Variants in NRIP1 observed in about 807,000 individuals in gnomAD.
NRIP1 encodes nuclear receptor interacting protein 1, also known as nuclear receptor-interacting protein 1.
Under a neutral mutation model 75.0 loss-of-function variants are expected in NRIP1, and 28 were observed. The ratio of observed to expected loss-of-function variants is 0.37; its 90% CI spans 0.28 to 0.51. The LOEUF (loss-of-function observed/expected upper bound fraction) is 0.51. Among genes scored for constraint, NRIP1 ranks in the 20% least tolerant of loss-of-function variants. The probability of loss-of-function intolerance (pLI) is 0.92; values close to 1 mark genes in which losing one functional copy is unlikely to be tolerated. For synonymous variants in NRIP1, 526 were observed against 487.6 expected (o/e 1.08, Z -1.04); for missense variants, 1,435 against 1,343.7 (o/e 1.07, Z -1.06).
intron 3 of NRIP1, among the ~76,000 whole-genome samples, chr21:14,998,610 T>G (rs1322290984): frequency 2.6e-5 from 4 of 152,242 alleles, no homozygotes; most frequent in Non-Finnish European, 5.9e-5. Context: ...AAGCAAATTT[T>G]CTTCCATTTC....
intron 2 of NRIP1, among the ~76,000 whole-genome samples, chr21:15,017,049 A>G (rs2088251298): frequency 6.6e-6 from 1 of 152,156 alleles, no homozygotes; most frequent in African/African-American, 2.4e-5. Flanking sequence ...TGCTGCAACT[A>G]GTAATCTATA....
At chr21:15,039,658 A>G (rs1008459357) in intron 2 of NRIP1, among the ~76,000 whole-genome samples, 4 of 152,082 alleles carry the variant, frequency 2.6e-5, no homozygotes, top group African/African-American at 9.7e-5. Flanking sequence ...TATTTTATTA[A>G]ATATGGTGGA....
Position 15,028,170 on chromosome 21 carries a change from T to C in NRIP1, c.-457-13704A>G, listed in dbSNP as rs1033875792. ...TGGCATTTTATGTGATGCACACGGA[T>C]TGAAAATCTTAGCTACGTGCTGCAT... On this transcript the variant is annotated intron_variant, in intron 2 of 3. Transcript: ENST00000318948. Among the ~76,000 whole-genome samples, 4 of 152,244 alleles carry C rather than the reference T, an allele frequency of 2.6e-5. No homozygotes were observed. In the South Asian group the frequency reaches 8.3e-4, roughly 32 times the overall value.
upstream of NRIP1, among the ~76,000 whole-genome samples, chr21:15,065,498 G>C (rs1978810933): frequency 6.6e-6 from 1 of 152,016 alleles, no homozygotes; most frequent in African/African-American, 2.4e-5. Context: ...CAGGGTCCCC[G>C]CCTGCCTTAA....
In NRIP1 at chr21:14,969,895, G is replaced by C. The variant is rs1279988005; in HGVS notation, c.-334-1369C>G. Among the ~76,000 whole-genome samples, 4 of 152,198 alleles carry C rather than the reference G, an allele frequency of 2.6e-5. No homozygotes were observed. The East Asian group carries it at 7.7e-4, about 29-fold the overall frequency. ...AACTGTGTAAGGAGTAGGATGAGAA[G>C]AGACTTTCTTGAGATTCCAATGCCA... On this transcript the variant is annotated intron_variant, in intron 3 of 3. Transcript: ENST00000318948.
chr21:14,999,898 C>T (rs1320417061), intron 3 of NRIP1, among the ~76,000 whole-genome samples: 1 of 152,154 alleles, frequency 6.6e-6, no homozygotes, highest in Non-Finnish European at 1.5e-5. Flanking sequence ...CTAGATATAT[C>T]TGACTAAAAT....
At chr21:15,028,936 G>T (rs1484385190) in intron 2 of NRIP1, among the ~76,000 whole-genome samples, 1 of 151,954 alleles carries the variant, frequency 6.6e-6, no homozygotes, top group Non-Finnish European at 1.5e-5. Flanking sequence ...CTGAGTCCCT[G>T]TTATTCCTAA....
chr21:15,065,189 C>T (rs1978779046), upstream of NRIP1, among the ~76,000 whole-genome samples: 1 of 152,068 alleles, frequency 6.6e-6, no homozygotes, highest in Admixed American at 6.5e-5. Flanking sequence ...CCGCGCGGAT[C>T]CGGGCGGCTC....
intron 3 of NRIP1, among the ~76,000 whole-genome samples, chr21:14,987,351 GCACTGAGC>G (rs2087433700): frequency 6.6e-6 from 1 of 152,188 alleles, no homozygotes. Context: ...ATTCTGCCTT[GCACTGAGC>G]TATAATCTGT....
intron 3 of NRIP1, chr21:15,002,335 G>T (rs2087868117): frequency 6.6e-6 from 1 of 152,164 alleles, no homozygotes; most frequent in South Asian, 2.1e-4. Context: ...ATACAAGGAG[G>T]AGGGCGGTAT....
chr21:15,027,078 C>T (rs1187395087), intron 2 of NRIP1, among the ~76,000 whole-genome samples: 1 of 152,066 alleles, frequency 6.6e-6, no homozygotes, highest in Non-Finnish European at 1.5e-5. Context: ...AGACTTCATA[C>T]AGAATGCTAC....
chr21:15,059,281 TTAAAGA>T (rs2089373855), intron 1 of NRIP1, among the ~76,000 whole-genome samples: 1 of 152,186 alleles, frequency 6.6e-6, no homozygotes, highest in African/African-American at 2.4e-5. Flanking sequence ...CTTTCCATCC[TTAAAGA>T]TATTTTTGCT....
chr21:14,987,394 T>A lies in NRIP1; in HGVS notation c.-334-18868A>T, dbSNP rs376261798. Among the ~76,000 whole-genome samples the A allele has an allele frequency of 9.9e-5, 15 of 152,210 alleles. 1 individual carries two copies. In the South Asian group the frequency reaches 3.1e-3, roughly 32 times the overall value. ...TTGAGTTTTAGTCTGACTATTGGTCTTTTTGGGGACACAAAAAACAAGGCT... is the reference window on the plus strand; with the variant it reads ...TTGAGTTTTAGTCTGACTATTGGTCATTTTGGGGACACAAAAAACAAGGCT... On this transcript the variant is annotated intron_variant, in intron 3 of 3. Coordinates refer to ENST00000318948, the MANE Select transcript of NRIP1 (RefSeq NM_003489.4).
At chr21:15,058,345 AT>A (rs2089349369) in intron 1 of NRIP1, among the ~76,000 whole-genome samples, 1 of 152,192 alleles carries the variant, frequency 6.6e-6, no homozygotes, top group South Asian at 2.1e-4. Flanking sequence ...TTTATTTCCC[AT>A]TTGGAGAGTT....
intron 3 of NRIP1, among the ~76,000 whole-genome samples, chr21:14,994,467 T>C (rs570274195): frequency 6.6e-6 from 1 of 152,342 alleles, no homozygotes; most frequent in Admixed American, 6.5e-5. Context: ...TTTTTTATTA[T>C]TTTCATTTGA....
At chr21:14,998,552 C>T (rs2087783661) in intron 3 of NRIP1, among the ~76,000 whole-genome samples, 1 of 152,190 alleles carries the variant, frequency 6.6e-6, no homozygotes, top group South Asian at 2.1e-4. Context: ...TGATGTGCTA[C>T]AGTTGACCCT....
chr21:14,999,308 A>T (rs549029849), intron 3 of NRIP1, among the ~76,000 whole-genome samples: 14 of 152,176 alleles, frequency 9.2e-5, no homozygotes, highest in South Asian at 8.3e-4. Context: ...TTCTTCTCAA[A>T]TTTTAATACC....
chr21:15,065,154 C>T (rs1047694965), upstream of NRIP1, among the ~76,000 whole-genome samples: 29 of 152,260 alleles, frequency 1.9e-4, no homozygotes, highest in African/African-American at 6.7e-4. Flanking sequence ...CCCCTCCCTC[C>T]CATTGTCACC....
At position 14,965,778 on chromosome 21, in the gene NRIP1, A is replaced by G. The variant is rs1221202250; in HGVS notation, c.2415T>C (p.Pro805=). The part of the protein sequence containing the change: ...LPVSEDFKSE[P]VSPQDFSFSK... The stretch of plus-strand genomic sequence containing the variant: ...AGAAAGAAAAATCCTGAGGTGAAAC[A>G]GGCTCCGATTTAAAGTCTTCGGACA... The change falls in exon 4 of 4, where the codon CCT becomes CCC. Residue 805 remains proline, a synonymous_variant. Coordinates refer to ENST00000318948, the MANE Select transcript of NRIP1 (RefSeq NM_003489.4). 1.2e-6 allele frequency: 2 copies of G among 1,613,924 alleles called. No individual in the cohort carries two copies. Among genetic ancestry groups the G allele is most frequent in the African/African-American group, 1.3e-5 (1 of 74,914 alleles).
Sources: gnomAD v4.1 joint callset for allele counts (sites outside exome capture counted in the v4.1 genomes callset) on GRCh38, gnomAD v4.1.1 for gene constraint, MANE v1.5 for transcripts, NCBI Gene and HGNC (gene_info 2026-07-23, HGNC 2026-07-21) for gene names.